PDGFD: variants seen among roughly 807,000 people sequenced by gnomAD.
PDGFD encodes platelet derived growth factor D.
A neutral mutation model predicts 44.7 loss-of-function variants in PDGFD; 30 were observed. The ratio of observed to expected loss-of-function variants is 0.67; its 90% CI spans 0.50 to 0.91. The LOEUF (loss-of-function observed/expected upper bound fraction) is 0.91, where lower values mean the gene tolerates loss of function less well. PDGFD is among the 40% of genes least tolerant of loss of function. The pLI, the probability that PDGFD is intolerant of heterozygous loss-of-function variation, is 0.00. For synonymous variants in PDGFD, 173 were observed against 168.4 expected (o/e 1.03, Z -0.21); for missense variants, 445 against 457.8 (o/e 0.97, Z 0.25).
At chr11:104,050,051 T>C (rs1334000419) in intron 1 of PDGFD, among the ~76,000 whole-genome samples, 1 of 152,146 alleles carries the variant, frequency 6.6e-6, no homozygotes, top group African/African-American at 2.4e-5. Context: ...TATATGTTGA[T>C]AGGACATATA....
At chr11:104,080,598 G>A (rs1861030983) in intron 1 of PDGFD, among the ~76,000 whole-genome samples, 1 of 152,042 alleles carries the variant, frequency 6.6e-6, no homozygotes, top group Non-Finnish European at 1.5e-5. Flanking sequence ...CATATACTCT[G>A]GCGTATGTTG....
intron 1 of PDGFD, among the ~76,000 whole-genome samples, chr11:104,120,086 T>G (rs1169134777): frequency 6.7e-6 from 1 of 149,982 alleles, no homozygotes; most frequent in Non-Finnish European, 1.5e-5. Context: ...CCATTTCTTT[T>G]CTAGTTGTGG....
intron 1 of PDGFD, among the ~76,000 whole-genome samples, chr11:104,041,795 T>C (rs1052960173): frequency 6.6e-6 from 1 of 152,194 alleles, no homozygotes; most frequent in Non-Finnish European, 1.5e-5. Context: ...AATTTTCTTG[T>C]TTCTAGGGGG....
At chr11:103,980,095 T>C (rs1031534727) in intron 3 of PDGFD, among the ~76,000 whole-genome samples, 11 of 152,158 alleles carry the variant, frequency 7.2e-5, no homozygotes, top group African/African-American at 2.7e-4. Context: ...AATAATTTTG[T>C]ATTAGTTATT....
chr11:103,913,879 A>G (rs1407889953), intron 6 of PDGFD, among the ~76,000 whole-genome samples: 3 of 152,260 alleles, frequency 2.0e-5, no homozygotes, highest in Non-Finnish European at 4.4e-5. Context: ...ACCTCTATGC[A>G]AATAAACTAG....
rs1466878205 is a variant in PDGFD at position 104,137,944 on chromosome 11, A to G, written c.124+25860T>C. On this transcript the variant is annotated intron_variant, in intron 1 of 6. Coordinates refer to ENST00000393158, the MANE Select transcript of PDGFD (RefSeq NM_025208.5). ...TGCAGTAGCTTTGCAGAGAAATGTC[A>G]GAGTTTTCCATTGCTTGCTTACAAG... 2.0e-5 allele frequency among the ~76,000 whole-genome samples: 3 copies of G among 152,066 alleles called. No individual in the cohort carries two copies. The East Asian group carries it at 5.8e-4, about 29-fold the overall frequency.
At chr11:103,940,149 A>G (rs1858561688) in intron 5 of PDGFD, among the ~76,000 whole-genome samples, 3 of 151,986 alleles carry the variant, frequency 2.0e-5, no homozygotes, top group Admixed American at 1.3e-4. Context: ...CTCACTTACC[A>G]CCTCACCTCC....
At chr11:104,083,438 G>C (rs998382554) in intron 1 of PDGFD, among the ~76,000 whole-genome samples, 2 of 152,144 alleles carry the variant, frequency 1.3e-5, no homozygotes, top group South Asian at 4.1e-4. Flanking sequence ...TCCACAATAG[G>C]AGGAAGTCTT....
At chr11:103,921,623 A>T (rs1858222922) in intron 6 of PDGFD, among the ~76,000 whole-genome samples, 1 of 151,962 alleles carries the variant, frequency 6.6e-6, no homozygotes, top group South Asian at 2.1e-4. Context: ...AAAAAATCTA[A>T]ATCTAACCAT....
intron 1 of PDGFD, among the ~76,000 whole-genome samples, chr11:104,017,055 C>A (rs1178470127): frequency 6.6e-6 from 1 of 152,138 alleles, no homozygotes; most frequent in African/African-American, 2.4e-5. Flanking sequence ...GATCACAAGG[C>A]AGAGCCCTCA....
chr11:104,022,465 T>A (rs1391962536), intron 1 of PDGFD, among the ~76,000 whole-genome samples: 6 of 152,122 alleles, frequency 3.9e-5, no homozygotes, highest in African/African-American at 1.2e-4. Flanking sequence ...AGTATGACAT[T>A]ACAGTAACAT....
intron 1 of PDGFD, among the ~76,000 whole-genome samples, chr11:104,117,622 C>T (rs1476956653): frequency 6.6e-6 from 1 of 151,844 alleles, no homozygotes; most frequent in African/African-American, 2.4e-5. Context: ...AAGAACTCAA[C>T]CCCTTTTAAA....
chr11:103,978,257 C>T (rs551637430), intron 3 of PDGFD, among the ~76,000 whole-genome samples: 1 of 152,102 alleles, frequency 6.6e-6, no homozygotes, highest in Non-Finnish European at 1.5e-5. Context: ...AATGGACAAT[C>T]GATAGGGATG....
intron 3 of PDGFD, among the ~76,000 whole-genome samples, chr11:103,971,073 A>G (rs1859095821): frequency 1.3e-5 from 2 of 152,174 alleles, no homozygotes. Flanking sequence ...TTAAATGAGT[A>G]TCTGTCTTCC....
chr11:104,000,016 G>T, intron 2 of PDGFD, 35 bp downstream of exon 2: 2 of 1,543,334 alleles, frequency 1.3e-6, no homozygotes, highest in South Asian at 1.1e-5. Context: ...TTTTCACCTT[G>T]AAATAGTACC....
At chr11:104,119,366 TA>T (rs1861717801) in intron 1 of PDGFD, among the ~76,000 whole-genome samples, 2 of 21,312 alleles carry the variant, frequency 9.4e-5, no homozygotes, top group African/African-American at 2.7e-4. Context: ...TATATTGATA[TA>T]ATATATTGAT....
At chr11:104,140,520 T>C (rs1238273191) in intron 1 of PDGFD, among the ~76,000 whole-genome samples, 1 of 147,944 alleles carries the variant, frequency 6.8e-6, no homozygotes, top group Non-Finnish European at 1.5e-5. Flanking sequence ...GAATGTTCTT[T>C]TTTTCTTTCA....
intron 1 of PDGFD, among the ~76,000 whole-genome samples, chr11:104,001,864 A>T (rs1199343519): frequency 6.6e-6 from 1 of 152,198 alleles, no homozygotes; most frequent in Non-Finnish European, 1.5e-5. Context: ...CAAAAATAAG[A>T]CAAAGAGGAT....
At position 104,104,782 on chromosome 11, in the gene PDGFD, C is replaced by G. The variant is rs960761549; in HGVS notation, c.124+59022G>C. Reference sequence around the variant, plus strand: ...AGTGATTCATGATTGTACACAGAAACTTCTCTGAAGAAGATTCTAAGTCTC... The same window carrying G: ...AGTGATTCATGATTGTACACAGAAAGTTCTCTGAAGAAGATTCTAAGTCTC... On this transcript the variant is annotated intron_variant, in intron 1 of 6. Transcript: ENST00000393158. 2.6e-5 allele frequency among the ~76,000 whole-genome samples: 4 copies of G among 152,080 alleles called. No homozygotes were observed. In the South Asian group the frequency reaches 8.3e-4, roughly 32 times the overall value.
Sources: gnomAD v4.1 joint callset for allele counts (sites outside exome capture counted in the v4.1 genomes callset) on GRCh38, gnomAD v4.1.1 for gene constraint, MANE v1.5 for transcripts, NCBI Gene and HGNC (gene_info 2026-07-23, HGNC 2026-07-21) for gene names.